The following EFCAB9 variants were observed in gnomAD, a reference collection of about 807,000 sequenced individuals.
EFCAB9 encodes EF-hand calcium binding domain 9, also known as EF-hand calcium-binding domain-containing protein 9.
In EFCAB9, 16 loss-of-function variants were observed where a neutral mutation model predicts 15.6. That is an observed-to-expected ratio of 1.03 (90% CI 0.69 to 1.56). EFCAB9 has a LOEUF of 1.56. Among genes scored for constraint, EFCAB9 ranks in the 40% most tolerant of loss-of-function variants. The pLI, the probability that EFCAB9 is intolerant of heterozygous loss-of-function variation, is 0.00. For missense variants in EFCAB9, 208 were observed against 235.4 expected, an observed-to-expected ratio of 0.88 and a Z score of 0.76; for synonymous variants, 76 against 85.4, an observed-to-expected ratio of 0.89 and a Z score of 0.61.
rs1771292482 is a variant in EFCAB9, at chr5:172,203,404, T to C, written c.*59T>C. 4 of 1,485,154 alleles carry C rather than the reference T, an allele frequency of 2.7e-6. No individual in the cohort carries two copies. 92.0% of individuals were successfully genotyped at this position (1,485,154 alleles called of 1,614,324 possible). On this transcript the variant is annotated 3_prime_UTR_variant, in exon 4 of 4. Coordinates refer to ENST00000398186, the MANE Select transcript of EFCAB9 (RefSeq NM_001171183.2). The stretch of plus-strand genomic sequence containing the variant: ...ATCTGAAAGTACAGAACATGAACAT[T>C]GATGAAGACTGTTAACATGTCTAAA...
chr5:172,195,774 A>G (rs1387464731), intron 1 of EFCAB9, among the ~76,000 whole-genome samples: 1 of 152,176 alleles, frequency 6.6e-6, no homozygotes, highest in Non-Finnish European at 1.5e-5. Context: ...TGGGTGAGCC[A>G]GAGTCCACCG....
chr5:172,197,392 C>T (rs1218473241), intron 1 of EFCAB9, among the ~76,000 whole-genome samples: 3 of 152,202 alleles, frequency 2.0e-5, no homozygotes, highest in Non-Finnish European at 4.4e-5. Context: ...CAGGCATGAG[C>T]CACCGCGCCC....
intron 1 of EFCAB9, among the ~76,000 whole-genome samples, chr5:172,197,233 G>A (rs1159976338): frequency 6.6e-6 from 1 of 151,714 alleles, no homozygotes; most frequent in Non-Finnish European, 1.5e-5. Flanking sequence ...TCAGCCTCCC[G>A]AGTAGCTGGG....
intron 1 of EFCAB9, among the ~76,000 whole-genome samples, chr5:172,198,888 A>G (rs2113859444): frequency 2.0e-5 from 3 of 152,328 alleles, no homozygotes; most frequent in Middle Eastern, 3.4e-3. Context: ...TGCTGGGATT[A>G]CAGGCATGAG....
At chr5:172,202,852 T>C (rs1771279812) in intron 3 of EFCAB9, among the ~76,000 whole-genome samples, 1 of 152,036 alleles carries the variant, frequency 6.6e-6, no homozygotes, top group Non-Finnish European at 1.5e-5. Flanking sequence ...ATACAAAAAT[T>C]AGCTGGGCGT....
chr5:172,198,764 T>A (rs192777579), intron 1 of EFCAB9, among the ~76,000 whole-genome samples: 14 of 151,220 alleles, frequency 9.3e-5, no homozygotes, highest in African/African-American at 2.9e-4. Flanking sequence ...TACAGGTGTG[T>A]GCCACCACGC....
At chr5:172,203,063 G>A (rs1027546678) in intron 3 of EFCAB9, 151 bp from the exon 4 acceptor site, 23 of 723,674 alleles carry the variant, frequency 3.2e-5, no homozygotes, top group East Asian at 6.1e-5. Context: ...CTGGGTACTC[G>A]ACTACAATCG....
At chr5:172,202,666 C>T (rs1771275805) in intron 3 of EFCAB9, among the ~76,000 whole-genome samples, 1 of 151,990 alleles carries the variant, frequency 6.6e-6, no homozygotes, top group South Asian at 2.1e-4. Flanking sequence ...TGAGATCACG[C>T]CACTGCCCTC....
chr5:172,197,426 T>A (rs1199759682), intron 1 of EFCAB9, among the ~76,000 whole-genome samples: 1 of 152,100 alleles, frequency 6.6e-6, no homozygotes, highest in Non-Finnish European at 1.5e-5. Flanking sequence ...CCTTTGCTGC[T>A]CAATGTGTGG....
intron 3 of EFCAB9, among the ~76,000 whole-genome samples, chr5:172,200,960 C>T (rs920157121): frequency 9.2e-5 from 14 of 152,110 alleles, no homozygotes; most frequent in African/African-American, 3.4e-4. Context: ...TGGCCAGGCT[C>T]GGGGGCTCAT....
intron 1 of EFCAB9, among the ~76,000 whole-genome samples, chr5:172,197,308 T>A (rs1771180587): frequency 6.6e-6 from 1 of 152,148 alleles, no homozygotes. Context: ...GTTTTCTCCA[T>A]GTTGGTCAGG....
In EFCAB9 at chr5:172,194,249, T is replaced by G. The variant is rs1309581992; in HGVS notation, c.77T>G (p.Val26Gly). The G allele has an allele frequency of 4.6e-6, 7 of 1,537,700 alleles. No individual in the cohort carries two copies. Among genetic ancestry groups the G allele is most frequent in the South Asian group, 1.2e-5 (1 of 84,060 alleles). ...TACTGCTTATTATCCGTGAGAAACGTGAAGGCTTTGGCAGAATATTTTCAT... is the reference window on the plus strand; with the variant it reads ...TACTGCTTATTATCCGTGAGAAACGGGAAGGCTTTGGCAGAATATTTTCAT... ...KIYCLLSVRN[V>G]KALAEYFHIL... Residue 26 changes from valine to glycine, a missense_variant, in exon 1 of 4, where the codon GTG (valine) becomes GGG (glycine). Physicochemically the swap from Val to Gly is moderately radical, Grantham distance 109. Coordinates refer to ENST00000398186, the MANE Select transcript of EFCAB9 (RefSeq NM_001171183.2).
intron 1 of EFCAB9, among the ~76,000 whole-genome samples, chr5:172,194,850 A>G (rs1159623653): frequency 6.6e-6 from 1 of 152,050 alleles, no homozygotes; most frequent in Non-Finnish European, 1.5e-5. Flanking sequence ...TGTGGATAAC[A>G]CGTCATCGCC....
chr5:172,203,034 T>C (rs1305234076), intron 3 of EFCAB9, among the ~76,000 whole-genome samples, 180 bp from the exon 4 acceptor site: 1 of 152,184 alleles, frequency 6.6e-6, no homozygotes, highest in Non-Finnish European at 1.5e-5. Context: ...CTTTAGCATC[T>C]ACAATAGACT....
chr5:172,194,812 T>C (rs1282116045), intron 1 of EFCAB9, among the ~76,000 whole-genome samples: 1 of 152,134 alleles, frequency 6.6e-6, no homozygotes, highest in Non-Finnish European at 1.5e-5. Flanking sequence ...GGTGGAATCC[T>C]GGCTCCACAC....
In EFCAB9 at chr5:172,199,372, C is replaced by T. The variant is rs1190194062; in HGVS notation, c.137-11C>T. 6.5e-7 allele frequency: 1 copy of T among 1,536,998 alleles called. No individual in the cohort carries two copies. The highest frequency in any genetic ancestry group is 2.4e-5 in the East Asian group (1 of 40,912). ...CAAATAACACATCTCCTCACCTGCC[C>T]ACCTTAACAGATGTGCTGTTCTATC... On this transcript the variant is annotated splice_polypyrimidine_tract_variant and intron_variant, in intron 1 of 3. Coordinates refer to ENST00000398186, the MANE Select transcript of EFCAB9 (RefSeq NM_001171183.2).
At chr5:172,197,773 A>C (rs145000111) in intron 1 of EFCAB9, among the ~76,000 whole-genome samples, 316 of 152,270 alleles carry the variant, frequency 2.1e-3, no homozygotes, top group African/African-American at 7.0e-3. Context: ...AGAGTAAAAG[A>C]ACAAAGCTCC....
intron 1 of EFCAB9, among the ~76,000 whole-genome samples, chr5:172,195,388 G>C (rs1359133477): frequency 1.3e-5 from 2 of 152,042 alleles, no homozygotes; most frequent in African/African-American, 4.8e-5. Flanking sequence ...TGATTTTAAG[G>C]AGTTCATTCA....
At chr5:172,196,156 G>A (rs180678025) in intron 1 of EFCAB9, among the ~76,000 whole-genome samples, 126 of 152,174 alleles carry the variant, frequency 8.3e-4, no homozygotes, top group Admixed American at 4.6e-3. Flanking sequence ...TAATTACTAA[G>A]TTGCACATGG....
Sources: allele counts gnomAD v4.1 joint callset (sites outside exome capture counted in the v4.1 genomes callset), GRCh38; gene constraint gnomAD v4.1.1; transcripts MANE v1.5; gene names NCBI Gene and HGNC (gene_info 2026-07-23, HGNC 2026-07-21).